SCEL: variants seen among roughly 807,000 people sequenced by gnomAD.
SCEL encodes the protein sciellin.
In SCEL, 113 loss-of-function variants were observed where a neutral mutation model predicts 117.6. That is an observed-to-expected ratio of 0.96 (90% CI 0.83 to 1.12). The LOEUF (loss-of-function observed/expected upper bound fraction) is 1.12. SCEL is among the 50% of genes most tolerant of loss of function. The pLI is 0.00. For missense variants in SCEL, 785 were observed against 810.8 expected (o/e 0.97, Z 0.39); for synonymous variants, 270 against 256.2 (o/e 1.05, Z -0.51).
At chr13:77,622,069 A>C (rs2089451860) in intron 27 of SCEL, among the ~76,000 whole-genome samples, 1 of 152,142 alleles carries the variant, frequency 6.6e-6, no homozygotes, top group Non-Finnish European at 1.5e-5. Flanking sequence ...GAATTATACC[A>C]CTTCTTTCAC....
At chr13:77,640,564 CTAAAG>C (rs991293211) in intron 30 of SCEL, 107 bp from the exon 31 acceptor site, 13 of 426,068 alleles carry the variant, frequency 3.1e-5, no homozygotes, top group Non-Finnish European at 4.5e-5. Flanking sequence ...GTGAAATTTT[CTAAAG>C]TAAAGTATCA....
chr13:77,537,199 G>C (rs1055702142), intron 1 of SCEL, among the ~76,000 whole-genome samples: 3 of 152,150 alleles, frequency 2.0e-5, no homozygotes, highest in African/African-American at 7.2e-5. Context: ...TGTTAGCGTC[G>C]TATAAATCTT....
At chr13:77,586,363 C>G (rs552887135) in intron 9 of SCEL, among the ~76,000 whole-genome samples, 20 of 152,306 alleles carry the variant, frequency 1.3e-4, no homozygotes, top group Non-Finnish European at 2.6e-4. Flanking sequence ...CCCGCTTTCT[C>G]TCTGTCCAGC....
At chr13:77,639,392 G>A (rs551088528) in intron 30 of SCEL, among the ~76,000 whole-genome samples, 4 of 152,284 alleles carry the variant, frequency 2.6e-5, no homozygotes, top group African/African-American at 4.8e-5. Flanking sequence ...ATGATTAAAA[G>A]TATAAAGCTA....
intron 27 of SCEL, among the ~76,000 whole-genome samples, chr13:77,624,965 C>A (rs984831592): frequency 3.3e-5 from 5 of 152,162 alleles, no homozygotes; most frequent in African/African-American, 4.8e-5. Context: ...ATGTGCAAGG[C>A]CATGTTAGGC....
chr13:77,607,178 A>G (rs2088270864), intron 19 of SCEL, among the ~76,000 whole-genome samples: 1 of 152,040 alleles, frequency 6.6e-6, no homozygotes, highest in Non-Finnish European at 1.5e-5. Context: ...CCACATGAGT[A>G]GCTGGAGCCA....
At chr13:77,543,185 G>A (rs1345421101) in intron 1 of SCEL, among the ~76,000 whole-genome samples, 2 of 146,080 alleles carry the variant, frequency 1.4e-5, no homozygotes, top group Non-Finnish European at 3.0e-5. Context: ...CCGGGTTCAC[G>A]CCATTCTCCT....
At chr13:77,592,976 C>CA (rs766231848) in intron 11 of SCEL, among the ~76,000 whole-genome samples, 3 of 152,054 alleles carry the variant, frequency 2.0e-5, no homozygotes, top group Non-Finnish European at 4.4e-5. Context: ...CAGGTGCTTC[C>CA]ACCTATTCTA....
At chr13:77,594,016 TCC>T (rs2087073684) in intron 12 of SCEL, among the ~76,000 whole-genome samples, 1 of 862 alleles carries the variant, frequency 1.2e-3, no homozygotes, top group Non-Finnish European at 2.2e-3. Context: ...TCCTTCTCCT[TCC>T]CCTTCCCCTT....
At chr13:77,604,538 C>T (rs2087977640) in intron 19 of SCEL, 123 bp downstream of exon 19, 3 of 667,258 alleles carry the variant, frequency 4.5e-6, no homozygotes, top group African/African-American at 1.9e-5. Context: ...GCTCTTTTTT[C>T]TCTAAACACT....
chr13:77,633,338 A>AG (rs1285272007), intron 28 of SCEL, among the ~76,000 whole-genome samples: 1 of 148,082 alleles, frequency 6.8e-6, no homozygotes, highest in East Asian at 2.0e-4. Context: ...CGGGAGGCTG[A>AG]GGCAGGAGAA....
At chr13:77,606,212 A>G (rs1047823321) in intron 19 of SCEL, among the ~76,000 whole-genome samples, 5 of 152,160 alleles carry the variant, frequency 3.3e-5, no homozygotes, top group African/African-American at 9.7e-5. Flanking sequence ...GTGATTGCAT[A>G]TGTATGCACA....
At chr13:77,598,797 C>G (rs79723529) in intron 13 of SCEL, among the ~76,000 whole-genome samples, 48 of 152,306 alleles carry the variant, frequency 3.2e-4, no homozygotes, top group Middle Eastern at 3.4e-3. Context: ...ATCTTCCCAC[C>G]TCAACCTCCC....
chr13:77,603,962 T>C (rs1352012544), intron 18 of SCEL, among the ~76,000 whole-genome samples: 1 of 152,174 alleles, frequency 6.6e-6, no homozygotes, highest in East Asian at 1.9e-4. Flanking sequence ...GAATAGGCAA[T>C]TGTATCCAGT....
In SCEL at chr13:77,542,570, C is replaced by A. The variant is rs1469818734; in HGVS notation, c.-20+6746C>A. ...ACTGAAGAAATAGCTGCTTTCTAAC[C>A]ATCACAGAAGGCTAAATGAATCTTT... On this transcript the variant is annotated intron_variant, in intron 1 of 32. Transcript: ENST00000349847. Among the ~76,000 whole-genome samples, 4 of 152,286 alleles carry A rather than the reference C, an allele frequency of 2.6e-5. No individual in the cohort carries two copies. In the East Asian group the frequency reaches 7.7e-4, roughly 29 times the overall value.
rs199518992 is a variant in SCEL at position 77,615,539 on chromosome 13, A to G, written c.1451+1584A>G. Among the ~76,000 whole-genome samples the G allele has an allele frequency of 2.2e-4, 33 of 152,250 alleles. No individual in the cohort carries two copies. The East Asian group carries it at 6.2e-3, about 28-fold the overall frequency. ...TTGCAAAACACTTTACAGCTTTTAA[A>G]CTGCATGAAAGTAATAATAACCTAA... On this transcript the variant is annotated intron_variant, in intron 24 of 32. Coordinates refer to ENST00000349847, the MANE Select transcript of SCEL (RefSeq NM_144777.3).
intron 19 of SCEL, 121 bp downstream of exon 19, chr13:77,604,536 T>C: frequency 1.5e-6 from 1 of 681,522 alleles, no homozygotes; most frequent in East Asian, 3.1e-5. Context: ...GAGCTCTTTT[T>C]TCTCTAAACA....
At position 77,618,103 on chromosome 13, in the gene SCEL, G is replaced by T. The variant is rs766098141; in HGVS notation, c.1628+43G>T. 5.4e-6 allele frequency: 8 copies of T among 1,493,734 alleles called. No homozygotes were observed. The South Asian group carries it at 9.0e-5, about 17-fold the overall frequency. The allele number at this position is 1,493,734 out of a possible 1,614,324, so 92.5% of individuals were successfully genotyped here. ...TCTTGACATGTTTACAAGTTTCTAG[G>T]GTAGGAACTTCTCCCTCCCTCCTTG... On this transcript the variant is annotated intron_variant, in intron 27 of 32. Transcript: ENST00000349847.
chr13:77,609,658 C>T (rs2088493026), intron 21 of SCEL, among the ~76,000 whole-genome samples: 1 of 152,232 alleles, frequency 6.6e-6, no homozygotes, highest in African/African-American at 2.4e-5. Context: ...TTAAATCCCA[C>T]CTCTGTTACC....
Sources: allele counts gnomAD v4.1 joint callset (sites outside exome capture counted in the v4.1 genomes callset), GRCh38; gene constraint gnomAD v4.1.1; transcripts MANE v1.5; gene names NCBI Gene and HGNC (gene_info 2026-07-23, HGNC 2026-07-21).